KCNJ18: variants seen among roughly 807,000 people sequenced by gnomAD.
The protein encoded by KCNJ18 is inward rectifier potassium channel 18.
In KCNJ18, 16 loss-of-function variants were observed where a neutral mutation model predicts 17.3. The observed-to-expected ratio is 0.92, with a 90% CI of 0.62 to 1.40. The LOEUF (loss-of-function observed/expected upper bound fraction) is 1.40, where lower values mean the gene tolerates loss of function less well. Among genes scored for constraint, KCNJ18 ranks in the 40% most tolerant of loss-of-function variants. KCNJ18 has a pLI of 0.00. For missense variants in KCNJ18, 462 were observed against 626.8 expected (o/e 0.74, Z 2.81); for synonymous variants, 185 against 262.6 (o/e 0.70, Z 2.86).
At chr17:21,702,280 C>G (rs1336932173) in intron 2 of KCNJ18, among the ~76,000 whole-genome samples, 2 of 151,864 alleles carry the variant, frequency 1.3e-5, no homozygotes, top group Admixed American at 1.3e-4. Flanking sequence ...GCAGGTTCTG[C>G]ATGTCCTGGG....
chr17:21,702,097 T>C (rs1342680230), intron 2 of KCNJ18, among the ~76,000 whole-genome samples: 19 of 152,356 alleles, frequency 1.2e-4, no homozygotes, highest in African/African-American at 4.6e-4. Context: ...TGGGTCTTCC[T>C]GGGGCACAAG....
Position 21,693,171 on chromosome 17 carries a change from G to T in KCNJ18, c.-179+457G>T, listed in dbSNP as rs1436636622. Among the ~76,000 whole-genome samples the T allele has an allele frequency of 2.0e-5, 3 of 152,428 alleles. No individual in the cohort carries two copies. The East Asian group carries it at 5.8e-4, about 29-fold the overall frequency. On this transcript the variant is annotated intron_variant, in intron 1 of 2. Transcript: ENST00000567955. ...GGTGAGCTCACATGGCGGCTGCTGT[G>T]GCCCCTGCAGGTGGCGGGAGCTCTG...
intron 1 of KCNJ18, among the ~76,000 whole-genome samples, chr17:21,693,621 C>T (rs1393405552): frequency 2.0e-5 from 3 of 152,308 alleles, no homozygotes; most frequent in Non-Finnish European, 4.4e-5. Context: ...TCCTCCAAGG[C>T]AGGGCTGTGA....
At chr17:21,701,087 G>A (rs1468544893) in intron 2 of KCNJ18, among the ~76,000 whole-genome samples, 5 of 152,098 alleles carry the variant, frequency 3.3e-5, no homozygotes, top group Middle Eastern at 3.4e-3. Context: ...TCCAGATGTG[G>A]CTGTGGGCCA....
In KCNJ18 at chr17:21,702,888, C is replaced by T; in HGVS notation, c.102C>T (p.Gly34=). 1.2e-6 allele frequency: 2 copies of T among 1,600,166 alleles called. No homozygotes were observed. The highest frequency in any genetic ancestry group is 2.2e-5 in the South Asian group (2 of 89,698). ...CGGGCGCCAACGGCTTCGGCAACGG[C>T]AAGGTGCACACGCGGCGCAGGTGCC... is the stretch of plus-strand genomic sequence containing the variant. ...TMSGANGFGN[G]KVHTRRRCRN... Residue 34 remains glycine (G), a synonymous_variant, in exon 3 of 3, where the codon GGC becomes GGT. Coordinates refer to ENST00000567955, the MANE Select transcript of KCNJ18 (RefSeq NM_001194958.2).
intron 2 of KCNJ18, among the ~76,000 whole-genome samples, chr17:21,701,809 G>T (rs1201169293): frequency 1.3e-5 from 2 of 151,322 alleles, no homozygotes; most frequent in Non-Finnish European, 2.9e-5. Context: ...TGCTCAGGAA[G>T]CTGAGGCAGG....
At chr17:21,698,758 A>G (rs1174901194) in intron 2 of KCNJ18, among the ~76,000 whole-genome samples, 6 of 152,088 alleles carry the variant, frequency 3.9e-5, no homozygotes, top group Non-Finnish European at 5.9e-5. Context: ...CTCCCAGCCC[A>G]GGCCCTGGTC....
Position 21,703,784 on chromosome 17 carries a change from A to T in KCNJ18, c.998A>T (p.Glu333Val). The T allele has an allele frequency of 2.7e-6, 3 of 1,109,574 alleles. No individual in the cohort carries two copies. 68.7% of individuals were successfully genotyped at this position (1,109,574 alleles called of 1,614,324 possible). The change falls in exon 3 of 3, where the codon GAG becomes GTG. Residue 333 changes from glutamate to valine, a missense_variant. Physicochemically the swap from Glu to Val is moderately radical, Grantham distance 121. Coordinates refer to ENST00000567955, the MANE Select transcript of KCNJ18 (RefSeq NM_001194958.2). ...CACCGCTTTGAGCCCGTGCTCTTCG[A>T]GGAGAAGAACCAGTACAAGATTGAC... The part of the protein sequence containing the change: ...WGHRFEPVLF[E>V]EKNQYKIDYS...
intron 2 of KCNJ18, among the ~76,000 whole-genome samples, chr17:21,702,395 C>A (rs1395218029): frequency 1.3e-5 from 2 of 152,222 alleles, no homozygotes; most frequent in South Asian, 4.1e-4. Context: ...GGCAGAGAGG[C>A]TGGCAAGTTG....
chr17:21,698,177 G>T (rs1905827215), intron 2 of KCNJ18, among the ~76,000 whole-genome samples: 2 of 152,290 alleles, frequency 1.3e-5, no homozygotes, highest in Admixed American at 6.5e-5. Context: ...ACACAGTCAG[G>T]CCTCAGGTCT....
rs1416508602 is a variant in KCNJ18 at position 21,704,380 on chromosome 17, C to A, written c.*292C>A. ...TTCTGCCTGAAGATGGAGCTGCAGC[C>A]TGCGGGGAAGCAGCCCAGCTCGATG... is the stretch of plus-strand genomic sequence containing the variant. On this transcript the variant is annotated 3_prime_UTR_variant, in exon 3 of 3. Transcript: ENST00000567955. 2.5e-6 allele frequency: 1 copy of A among 402,532 alleles called. No individual in the cohort carries two copies. Among genetic ancestry groups the A allele is most frequent in the Non-Finnish European group, 4.6e-6 (1 of 218,590 alleles). The allele number at this position is 402,532 out of a possible 1,614,324, so 24.9% of individuals were successfully genotyped here.
At position 21,703,016 on chromosome 17, in the gene KCNJ18, A is replaced by C; in HGVS notation, c.230A>C (p.Asp77Ala). The C allele has an allele frequency of 6.2e-7, 1 of 1,612,484 alleles. No homozygotes were observed. Among genetic ancestry groups the C allele is most frequent in the Non-Finnish European group, 8.5e-7 (1 of 1,179,612 alleles). ...GCTGACATGTTCACCACCTGTGTGG[A>C]CATCCGCTGGCGCTACATGCTGCTC... ...YLADMFTTCV[D>A]IRWRYMLLIF... is the part of the protein sequence containing the mutation. The change falls in exon 3 of 3, where the codon GAC becomes GCC. Residue 77 changes from aspartate to alanine, a missense_variant. Asp to Ala is a moderately radical substitution (Grantham distance 126). Around this residue, in one of 5 missense-constraint regions of KCNJ18, gnomAD observed 237 missense variants for 259.4 expected, o/e 0.91. Transcript: ENST00000567955.
Position 21,704,006 on chromosome 17 carries a change from AG to A in KCNJ18, c.1222del (p.Ala408ProfsTer68). ...DGRSRDGLSP[Q>X]ARHDFDRLQA... ...CGAAGCCGGGATGGCCTCAGCCCCC[AG>A]GCCAGGCATGACTTTGACAGACTCC... On this transcript the variant is annotated frameshift_variant, in exon 3 of 3. Coordinates refer to ENST00000567955, the MANE Select transcript of KCNJ18 (RefSeq NM_001194958.2). LOFTEE classifies it high-confidence loss of function. 1.3e-6 allele frequency: 2 copies of A among 1,595,376 alleles called. No homozygotes were observed. The highest frequency in any genetic ancestry group is 3.4e-5 in the Admixed American group (2 of 59,424).
chr17:21,700,095 TC>T (rs1267837733), intron 2 of KCNJ18, among the ~76,000 whole-genome samples: 2 of 152,226 alleles, frequency 1.3e-5, no homozygotes, highest in East Asian at 1.9e-4. Flanking sequence ...GCCTCAGGGG[TC>T]CCCCCTGCCG....
intron 2 of KCNJ18, among the ~76,000 whole-genome samples, chr17:21,700,251 T>C (rs1306413976): frequency 6.8e-6 from 1 of 146,028 alleles, no homozygotes; most frequent in Non-Finnish European, 1.5e-5. Flanking sequence ...CCTGCAGAGC[T>C]TGGGGGCCCA....
At position 21,703,348 on chromosome 17, in the gene KCNJ18, A is replaced by G; in HGVS notation, c.562A>G (p.Lys188Glu). The change falls in exon 3 of 3, where the codon AAG (lysine) becomes GAG (glutamate). Residue 188 changes from lysine (K) to glutamate (E), a missense_variant. This residue lies in a region of KCNJ18 where 27 missense variants were observed against 119.2 expected (regional missense o/e 0.23). Transcript: ENST00000567955. ...GAIMAKMARPKKRAQTLLFSH... is the reference protein window; with the variant it reads ...GAIMAKMARPEKRAQTLLFSH... ...CATCATGGCCAAGATGGCAAGGCCCAAGAAGCGGGCACAGACGCTGCTGTT... is the reference window on the plus strand; with the variant it reads ...CATCATGGCCAAGATGGCAAGGCCCGAGAAGCGGGCACAGACGCTGCTGTT... 1 of 1,607,386 alleles carries G rather than the reference A, an allele frequency of 6.2e-7. No homozygotes were observed. Among genetic ancestry groups the G allele is most frequent in the African/African-American group, 1.3e-5 (1 of 74,940 alleles).
rs1597758426 is a variant in KCNJ18 at position 21,703,183 on chromosome 17, G to C, written c.397G>C (p.Ala133Pro). Residue 133 changes from alanine (A) to proline (P), a missense_variant, in exon 3 of 3, where the codon GCC becomes CCC. Ala to Pro is a conservative substitution (Grantham distance 27). Around this residue, in one of 5 missense-constraint regions of KCNJ18, gnomAD observed 237 missense variants for 259.4 expected, o/e 0.91. Transcript: ENST00000567955. ...GATGCAGGTGCACGGCTTCATGGCG[G>C]CCTTCCTCTTCTCCATCGAGACGCA... is the stretch of plus-strand genomic sequence containing the variant. ...CVMQVHGFMA[A>P]FLFSIETQTT... 2 of 1,609,090 alleles carry C rather than the reference G, an allele frequency of 1.2e-6. No homozygotes were observed. Among genetic ancestry groups the C allele is most frequent in the East Asian group, 4.5e-5 (2 of 44,680 alleles).
At chr17:21,696,403 C>G (rs1302981693) in intron 2 of KCNJ18, among the ~76,000 whole-genome samples, 3 of 152,160 alleles carry the variant, frequency 2.0e-5, no homozygotes, top group Non-Finnish European at 2.9e-5. Flanking sequence ...TATCATCCAC[C>G]CACCCATCTG....
At chr17:21,697,878 C>T (rs1487584355) in intron 2 of KCNJ18, among the ~76,000 whole-genome samples, 3 of 152,306 alleles carry the variant, frequency 2.0e-5, no homozygotes, top group African/African-American at 2.4e-5. Context: ...GGATGAAGCT[C>T]TGTGGCTGAG....
Sources: gnomAD v4.1 joint callset for allele counts (sites outside exome capture counted in the v4.1 genomes callset) on GRCh38, gnomAD v4.1.1 for gene constraint, gnomAD v4.1.1 regional missense constraint, MANE v1.5 for transcripts, NCBI Gene and HGNC (gene_info 2026-07-23, HGNC 2026-07-21) for gene names.